CHML: variants seen among roughly 807,000 people sequenced by gnomAD.
CHML encodes rab proteins geranylgeranyltransferase component A 2.
A neutral mutation model predicts 30.4 loss-of-function variants in CHML; 20 were observed. That is an observed-to-expected ratio of 0.66 (90% CI 0.46 to 0.95). The LOEUF (loss-of-function observed/expected upper bound fraction) is 0.95, where lower values mean the gene tolerates loss of function less well. Ranked by LOEUF, CHML falls within the 40% of genes least tolerant of loss-of-function variation. The probability of loss-of-function intolerance (pLI) is 0.00; values close to 1 mark genes in which losing one functional copy is unlikely to be tolerated. For synonymous variants in CHML, 281 were observed against 275.0 expected, an observed-to-expected ratio of 1.02 and a Z score of -0.22; for missense variants, 795 against 768.5, an observed-to-expected ratio of 1.03 and a Z score of -0.41.
Position 241,640,338 on chromosome 1 carries a change from G to C in CHML, c.-764C>G, listed in dbSNP as rs934008626. ...CGCGCTCCGCACTGGGTGGGGTTGG[G>C]GCTCCGCCGCCTGCTCTAGCCATTG... On this transcript the variant is annotated 5_prime_UTR_variant, in exon 1 of 2. Coordinates refer to ENST00000366553, the MANE Select transcript of CHML (RefSeq NM_001381853.1). The C allele has an allele frequency of 9.4e-7, 1 of 1,068,500 alleles. No homozygotes were observed. The highest frequency in any genetic ancestry group is 1.7e-5 in the African/African-American group (1 of 58,918). 66.2% of individuals were successfully genotyped at this position (1,068,500 alleles called of 1,614,324 possible).
In CHML at chr1:241,630,413, C is replaced by G. The variant is rs919116915; in HGVS notation, c.*3383G>C. The G allele has an allele frequency of 5.3e-5, 8 of 152,046 alleles. No homozygotes were observed. Among genetic ancestry groups the G allele is most frequent in the Non-Finnish European group, 1.2e-4 (8 of 67,924 alleles). The allele number at this position is 152,046 out of a possible 1,614,324, so 9.4% of individuals were successfully genotyped here. On this transcript the variant is annotated 3_prime_UTR_variant, in exon 2 of 2. Coordinates refer to ENST00000366553, the MANE Select transcript of CHML (RefSeq NM_001381853.1). ...TCTCATATATATTAATAACCAAACA[C>G]ACTTTTTAAATTGCAGTTTGTCACT...
chr1:241,639,854 G>C (rs758569925), intron 1 of CHML, 28 bp downstream of exon 1: 2 of 1,491,162 alleles, frequency 1.3e-6, no homozygotes, highest in Admixed American at 2.1e-5. Context: ...TTGCAGAGGG[G>C]AGGCTGCCTT....
rs760842619 is a variant in CHML, at chr1:241,634,140, G to C, written c.1627C>G (p.Leu543Val). Residue 543 changes from leucine to valine, a missense_variant, in exon 2 of 2, where the codon CTT becomes GTT. Leu to Val is a conservative substitution (Grantham distance 32). Transcript: ENST00000366553. Reference sequence around the variant, plus strand: ...GCCCACAAGAGTCTTGGCTTTGTAAGTTCTTCCTCGTTTATTTCTGTTTCA... The same window carrying C: ...GCCCACAAGAGTCTTGGCTTTGTAACTTCTTCCTCGTTTATTTCTGTTTCA... ...YTETEINEEE[L>V]TKPRLLWALY... 69 of 1,613,086 alleles carry C rather than the reference G, an allele frequency of 4.3e-5. No individual in the cohort carries two copies. In the South Asian group the frequency reaches 7.3e-4, roughly 17 times the overall value.
chr1:241,635,253 C>T lies in CHML; in HGVS notation c.514G>A (p.Val172Ile), dbSNP rs144595616. 1,734 of 1,613,940 alleles carry T rather than the reference C, an allele frequency of 1.1e-3. No individual in the cohort carries two copies. The highest frequency in any genetic ancestry group is 1.3e-3 in the Non-Finnish European group (1,582 of 1,179,948). The stretch of plus-strand genomic sequence containing the variant: ...TTTTCCTTCTCCACTGATTCCTCTA[C>T]ATCAGTTACTTCTAGTGAAATCTCT... ...DTEISLEVTD[V>I]EESVEKEKYC... Residue 172 changes from valine (V) to isoleucine (I), a missense_variant, in exon 2 of 2, where the codon GTA (valine) becomes ATA (isoleucine). Physicochemically the swap from Val to Ile is conservative, Grantham distance 29. Coordinates refer to ENST00000366553, the MANE Select transcript of CHML (RefSeq NM_001381853.1).
chr1:241,637,084 T>C (rs1664925993), intron 1 of CHML, among the ~76,000 whole-genome samples: 1 of 152,216 alleles, frequency 6.6e-6, no homozygotes. Flanking sequence ...CTGAAGAGCA[T>C]ACTCACCTGA....
In CHML at chr1:241,640,183, C is replaced by CG; in HGVS notation, c.-610dup. Reference sequence around the variant, plus strand: ...CGGGGCTCAGTGTCCCCGCCGGCGCCGGCCCCTCAGCGCCCGCGGCCCCGC... The same window carrying CG: ...CGGGGCTCAGTGTCCCCGCCGGCGCCGGGCCCCTCAGCGCCCGCGGCCCCGC... On this transcript the variant is annotated 5_prime_UTR_variant, in exon 1 of 2. The change creates a premature stop within an existing upstream ORF in the 5' untranslated region. Coordinates refer to ENST00000366553, the MANE Select transcript of CHML (RefSeq NM_001381853.1). 2 of 1,400,264 alleles carry CG rather than the reference C, an allele frequency of 1.4e-6. No homozygotes were observed. Among genetic ancestry groups the CG allele is most frequent in the East Asian group, 5.9e-5 (2 of 33,806 alleles). 86.7% of individuals were successfully genotyped at this position (1,400,264 alleles called of 1,614,324 possible).
Position 241,639,813 on chromosome 1 carries a change from C to A in CHML, c.-308+69G>T, listed in dbSNP as rs190991686. On this transcript the variant is annotated intron_variant, in intron 1 of 1. Coordinates refer to ENST00000366553, the MANE Select transcript of CHML (RefSeq NM_001381853.1). Reference sequence around the variant, plus strand: ...CGGGGCGGGCTGGGGGGCGGACGCACGGAGCGGGCAGCGGGGTGGGGAGTG... The same window carrying A: ...CGGGGCGGGCTGGGGGGCGGACGCAAGGAGCGGGCAGCGGGGTGGGGAGTG... 1.7e-3 allele frequency: 2,275 copies of A among 1,316,578 alleles called. 37 individuals carry two copies. In the African/African-American group the frequency reaches 0.038, roughly 22 times the overall value. The allele number at this position is 1,316,578 out of a possible 1,614,324, so 81.6% of individuals were successfully genotyped here.
In CHML at chr1:241,631,573, T is replaced by C. The variant is rs1158451451; in HGVS notation, c.*2223A>G. The stretch of plus-strand genomic sequence containing the variant: ...AAGTAAGTTGTCAATTACTTAAATC[T>C]GTCTAGTCTCATTTTCCTCACATAT... On this transcript the variant is annotated 3_prime_UTR_variant, in exon 2 of 2. Transcript: ENST00000366553. 6.6e-6 allele frequency: 1 copy of C among 152,174 alleles called. No homozygotes were observed. 9.4% of individuals were successfully genotyped at this position (152,174 alleles called of 1,614,324 possible). A position where few individuals can be genotyped will look rare whatever the true frequency, so the allele number is the denominator to read the frequency against.
At position 241,640,184 on chromosome 1, in the gene CHML, G is replaced by A; in HGVS notation, c.-610C>T. ...GGGGCTCAGTGTCCCCGCCGGCGCC[G>A]GCCCCTCAGCGCCCGCGGCCCCGCC... On this transcript the variant is annotated 5_prime_UTR_variant, in exon 1 of 2. Transcript: ENST00000366553. 2.1e-6 allele frequency: 3 copies of A among 1,399,376 alleles called. No homozygotes were observed. Among genetic ancestry groups the A allele is most frequent in the Non-Finnish European group, 2.8e-6 (3 of 1,082,014 alleles). The allele number at this position is 1,399,376 out of a possible 1,614,324, so 86.7% of individuals were successfully genotyped here. A position where few individuals can be genotyped will look rare whatever the true frequency, so the allele number is the denominator to read the frequency against.
At chr1:241,636,313 AAAAT>A (rs1378521910) in intron 1 of CHML, among the ~76,000 whole-genome samples, 2 of 152,256 alleles carry the variant, frequency 1.3e-5, no homozygotes, top group Non-Finnish European at 2.9e-5. Flanking sequence ...ATGTTCCACA[AAAAT>A]AAAGAAGAAA....
At position 241,636,447 on chromosome 1, in the gene CHML, T is replaced by G. The variant is rs113852019; in HGVS notation, c.-307-374A>C. ...GGCTCCACTGTTTATAGAAACAGAT[T>G]ATAAACTATGTGCATACTGCCATGA... On this transcript the variant is annotated intron_variant, in intron 1 of 1. Transcript: ENST00000366553. Among the ~76,000 whole-genome samples the G allele has an allele frequency of 6.6e-3, 1,002 of 152,332 alleles. 8 individuals are homozygous for G. The highest frequency in any genetic ancestry group is 9.6e-3 in the Non-Finnish European group (656 of 68,028).
chr1:241,636,523 T>G (rs971728862), intron 1 of CHML, among the ~76,000 whole-genome samples: 1 of 152,218 alleles, frequency 6.6e-6, no homozygotes, highest in Non-Finnish European at 1.5e-5. Flanking sequence ...CCAGAACAGC[T>G]GAATATAAGA....
In CHML at chr1:241,640,153, GGGCGCGGGGCTCAGTGTCCCCGCC is replaced by G. The variant is rs1225478093; in HGVS notation, c.-603_-580del. The G allele has an allele frequency of 3.3e-6, 5 of 1,525,218 alleles. No homozygotes were observed. Among genetic ancestry groups the G allele is most frequent in the Non-Finnish European group, 3.5e-6 (4 of 1,139,188 alleles). 94.5% of individuals were successfully genotyped at this position (1,525,218 alleles called of 1,614,324 possible). A position where few individuals can be genotyped will look rare whatever the true frequency, so the allele number is the denominator to read the frequency against. The stretch of plus-strand genomic sequence containing the variant: ...GCTCGTAGGTGCCGGGGCTGAAGAG[GGGCGCGGGGCTCAGTGTCCCCGCC>G]GGCGCCGGCCCCTCAGCGCCCGCGG... On this transcript the variant is annotated 5_prime_UTR_variant, in exon 1 of 2. Transcript: ENST00000366553.
chr1:241,634,113 G>A lies in CHML; in HGVS notation c.1654C>T (p.Leu552Phe). ...GAGGAATCTCTCATATTAAAATAAA[G>A]AGCCCACAAGAGTCTTGGCTTTGTA... ...ELTKPRLLWALYFNMRDSSGI... is the reference protein window; with the variant it reads ...ELTKPRLLWAFYFNMRDSSGI... Residue 552 changes from leucine (L) to phenylalanine (F), a missense_variant, in exon 2 of 2, where the codon CTT (leucine) becomes TTT (phenylalanine). By Grantham distance (22) the Leu-to-Phe change is conservative. Coordinates refer to ENST00000366553, the MANE Select transcript of CHML (RefSeq NM_001381853.1). 2 of 1,609,862 alleles carry A rather than the reference G, an allele frequency of 1.2e-6. No individual in the cohort carries two copies. The highest frequency in any genetic ancestry group is 8.5e-7 in the Non-Finnish European group (1 of 1,178,736).
At position 241,635,852 on chromosome 1, in the gene CHML, T is replaced by C; in HGVS notation, c.-86A>G. On this transcript the variant is annotated 5_prime_UTR_variant, in exon 2 of 2. Transcript: ENST00000366553. Reference sequence around the variant, plus strand: ...TGTAATAAAATCTGTCCTTCTGATGTTCCAGTTATCCCAGAAGCACTGAAG... The same window carrying C: ...TGTAATAAAATCTGTCCTTCTGATGCTCCAGTTATCCCAGAAGCACTGAAG... The C allele has an allele frequency of 7.4e-7, 1 of 1,352,250 alleles. No homozygotes were observed. The highest frequency in any genetic ancestry group is 2.3e-5 in the East Asian group (1 of 42,950). 83.8% of individuals were successfully genotyped at this position (1,352,250 alleles called of 1,614,324 possible).
At chr1:241,636,431 G>A (rs1420314277) in intron 1 of CHML, among the ~76,000 whole-genome samples, 1 of 152,190 alleles carries the variant, frequency 6.6e-6, no homozygotes, top group African/African-American at 2.4e-5. Context: ...TGGCTCCACT[G>A]TTTATAGAAA....
At position 241,634,460 on chromosome 1, in the gene CHML, A is replaced by G; in HGVS notation, c.1307T>C (p.Val436Ala). ...TTCCTCAGAAAGGTAACTGTCTTCC[A>G]CAATAAAATATTTAGCATTTATTCT... ...GQRINAKYFI[V>A]EDSYLSEETC... Residue 436 changes from valine (V) to alanine (A), a missense_variant, in exon 2 of 2, where the codon GTG becomes GCG. Val to Ala is a moderately conservative substitution (Grantham distance 64). Coordinates refer to ENST00000366553, the MANE Select transcript of CHML (RefSeq NM_001381853.1). The G allele has an allele frequency of 6.2e-7, 1 of 1,613,770 alleles. No homozygotes were observed. The highest frequency in any genetic ancestry group is 8.5e-7 in the Non-Finnish European group (1 of 1,179,926).
chr1:241,630,174 T>A lies in CHML; in HGVS notation c.*3622A>T, dbSNP rs761517701. The A allele has an allele frequency of 6.6e-6, 1 of 152,080 alleles. No homozygotes were observed. The highest frequency in any genetic ancestry group is 1.5e-5 in the Non-Finnish European group (1 of 67,956). The allele number at this position is 152,080 out of a possible 1,614,324, so 9.4% of individuals were successfully genotyped here. A position where few individuals can be genotyped will look rare whatever the true frequency, so the allele number is the denominator to read the frequency against. ...GTGAAATAGATACTAGGAGTGACTT[T>A]CCCAAGAGTATACAACTGGTAAGTA... On this transcript the variant is annotated 3_prime_UTR_variant, in exon 2 of 2. Coordinates refer to ENST00000366553, the MANE Select transcript of CHML (RefSeq NM_001381853.1).
At chr1:241,639,397 T>G (rs1466131345) in intron 1 of CHML, 1 of 152,522 alleles carries the variant, frequency 6.6e-6, no homozygotes, top group Non-Finnish European at 1.5e-5. Flanking sequence ...ATTTTGGTTT[T>G]CTACTCTCAT....
Sources: allele counts gnomAD v4.1 joint callset (sites outside exome capture counted in the v4.1 genomes callset), GRCh38; gene constraint gnomAD v4.1.1; transcripts MANE v1.5; gene names NCBI Gene and HGNC (gene_info 2026-07-23, HGNC 2026-07-21).